Variants in LIMS2 observed in about 807,000 individuals in gnomAD.
LIMS2 encodes the protein LIM and senescent cell antigen-like-containing domain protein 2.
Under a neutral mutation model 45.3 loss-of-function variants are expected in LIMS2, and 30 were observed. The observed-to-expected ratio is 0.66, with a 90% CI of 0.50 to 0.90. The LOEUF (loss-of-function observed/expected upper bound fraction) is 0.90. Ranked by LOEUF, LIMS2 falls within the 40% of genes least tolerant of loss-of-function variation. The pLI, the probability that LIMS2 is intolerant of heterozygous loss-of-function variation, is 0.00. For missense variants in LIMS2, 485 were observed against 468.7 expected (o/e 1.03, Z -0.32); for synonymous variants, 173 against 188.0 (o/e 0.92, Z 0.65).
At chr2:127,657,279 G>A (rs1409944755) in intron 2 of LIMS2, 124 bp downstream of exon 2, 12 of 1,145,688 alleles carry the variant, frequency 1.0e-5, no homozygotes, top group Non-Finnish European at 1.5e-5. Context: ...CTCAAGCCTG[G>A]TTCTGGGCTG....
rs928752566 is a variant in LIMS2, at chr2:127,672,860, AG to A, written c.11+2153del. On this transcript the variant is annotated intron_variant, in intron 1 of 9. Coordinates refer to ENST00000355119, the MANE Select transcript of LIMS2 (RefSeq NM_001161403.3). This position sits in a 1 kb window ranked among gnomAD's most constrained non-coding sequence, Gnocchi z 4.9. Reference sequence around the variant, plus strand: ...AAGCCCTGAAGGTATGCGAGCAGAGAGGGTGTTTCCCAAAAGCAGCCTGGCT... The same window carrying A: ...AAGCCCTGAAGGTATGCGAGCAGAGAGGTGTTTCCCAAAAGCAGCCTGGCT... Among the ~76,000 whole-genome samples, 1 of 152,186 alleles carries A rather than the reference AG, an allele frequency of 6.6e-6. No individual in the cohort carries two copies. The highest frequency in any genetic ancestry group is 2.4e-5 in the African/African-American group (1 of 41,444).
At position 127,640,896 on chromosome 2, in the gene LIMS2, C is replaced by G. The variant is rs1159670075; in HGVS notation, c.753G>C (p.Gln251His). Residue 251 changes from glutamine to histidine, a missense_variant and splice_region_variant, in exon 7 of 10, where the codon CAG becomes CAC. Physicochemically the swap from Gln to His is conservative, Grantham distance 24 (BLOSUM62 0). Transcript: ENST00000355119. ...CCTGAAGGTTCTGCACCGGGCTCAC[C>G]TGGTTGTAGTGAGTCTCGCAGTAGG... ...GLAYCETHYN[Q>H]LFGDVCYNCS... 6.2e-7 allele frequency: 1 copy of G among 1,613,452 alleles called. No homozygotes were observed. Among genetic ancestry groups the G allele is most frequent in the Admixed American group, 1.7e-5 (1 of 60,022 alleles).
At chr2:127,644,500 T>G (rs1174131331) in intron 4 of LIMS2, among the ~76,000 whole-genome samples, 16 of 152,174 alleles carry the variant, frequency 1.1e-4, no homozygotes, top group Admixed American at 1.0e-3. Flanking sequence ...GGGGCTGAGC[T>G]GCCCCACCTG....
At chr2:127,640,811 G>T in intron 7 of LIMS2, 85 bp downstream of exon 7, 1 of 1,233,180 alleles carries the variant, frequency 8.1e-7, no homozygotes, top group South Asian at 1.2e-5. Context: ...CTCCTGAGGG[G>T]GTGCCCACAG....
At chr2:127,677,965 A>G (rs143070661), upstream of LIMS2, among the ~76,000 whole-genome samples, 13 of 152,310 alleles carry the variant, frequency 8.5e-5, 1 homozygote, top group East Asian at 2.5e-3. The surrounding 1 kb of genome is among the most constrained non-coding windows in gnomAD (Gnocchi z 5.0). Flanking sequence ...TGGGTCACAC[A>G]AGTGTATATG....
chr2:127,649,964 T>TA (rs1249723321), intron 4 of LIMS2: 1 of 1,498,854 alleles, frequency 6.7e-7, no homozygotes, highest in Non-Finnish European at 9.2e-7. Flanking sequence ...GCTGGCCTGA[T>TA]ACCCAGGCAC....
At position 127,647,526 on chromosome 2, in the gene LIMS2, G is replaced by T. The variant is rs980915951; in HGVS notation, c.360-4454C>A. Reference sequence around the variant, plus strand: ...AGTCGTACCTATGAGCTGCTCTCTCGTGGGGCCAGGTGATGCCTGCACTGT... The same window carrying T: ...AGTCGTACCTATGAGCTGCTCTCTCTTGGGGCCAGGTGATGCCTGCACTGT... On this transcript the variant is annotated intron_variant, in intron 4 of 9. Coordinates refer to ENST00000355119, the MANE Select transcript of LIMS2 (RefSeq NM_001161403.3). This position sits in a 1 kb window ranked among gnomAD's most constrained non-coding sequence, Gnocchi z 4.3. Among the ~76,000 whole-genome samples the T allele has an allele frequency of 6.6e-6, 1 of 152,124 alleles. No homozygotes were observed. Among genetic ancestry groups the T allele is most frequent in the Non-Finnish European group, 1.5e-5 (1 of 68,012 alleles).
chr2:127,643,492 C>T (rs1682645680), intron 4 of LIMS2: 1 of 457,094 alleles, frequency 2.2e-6, no homozygotes, highest in Non-Finnish European at 4.4e-6. Context: ...GAGGCCCACT[C>T]ACCCCCTTCC....
intron 1 of LIMS2, among the ~76,000 whole-genome samples, chr2:127,659,776 G>A (rs1684491523): frequency 2.0e-5 from 3 of 152,208 alleles, no homozygotes; most frequent in African/African-American, 4.8e-5. Flanking sequence ...CTAGACCCCA[G>A]TGAGTGAGCA....
rs2105286366 is a variant in LIMS2, at chr2:127,653,318, CAGGGGA to C, written c.359+1100_359+1105del. ...GGGTCGGCGCTGCCTCTCACTGATA[CAGGGGA>C]CGCATGCAGAGGCAGCCTTGGTGGT... On this transcript the variant is annotated intron_variant, in intron 4 of 9. Coordinates refer to ENST00000355119, the MANE Select transcript of LIMS2 (RefSeq NM_001161403.3). The surrounding 1 kb of genome is among the most constrained non-coding windows in gnomAD (Gnocchi z 5.3). Among the ~76,000 whole-genome samples the C allele has an allele frequency of 6.6e-6, 1 of 152,190 alleles. No homozygotes were observed. Among genetic ancestry groups the C allele is most frequent in the South Asian group, 2.1e-4 (1 of 4,808 alleles).
At position 127,670,748 on chromosome 2, in the gene LIMS2, G is replaced by A. The variant is rs573238543; in HGVS notation, c.11+4266C>T. Among the ~76,000 whole-genome samples the A allele has an allele frequency of 3.3e-5, 5 of 152,342 alleles. No homozygotes were observed. The South Asian group carries it at 1.0e-3, about 32-fold the overall frequency. On this transcript the variant is annotated intron_variant, in intron 1 of 9. Coordinates refer to ENST00000355119, the MANE Select transcript of LIMS2 (RefSeq NM_001161403.3). ...CAGGGCTGCCTCCCCAAGGCCCTGGGGCACGTGCCCTCAGCCCAGTGGGCA... is the reference window on the plus strand; with the variant it reads ...CAGGGCTGCCTCCCCAAGGCCCTGGAGCACGTGCCCTCAGCCCAGTGGGCA...
chr2:127,650,567 AAGG>A, intron 4 of LIMS2: 2 of 619,238 alleles, frequency 3.2e-6, no homozygotes, highest in Non-Finnish European at 5.7e-6. Flanking sequence ...CCAAATGGAC[AAGG>A]AGGTCCCCTC....
intron 2 of LIMS2, 128 bp downstream of exon 2, chr2:127,657,275 C>G (rs1684319609): frequency 9.2e-7 from 1 of 1,088,932 alleles, no homozygotes; most frequent in Admixed American, 2.1e-5. Context: ...GGAGCTCAAG[C>G]CTGGTTCTGG....
At chr2:127,646,148 G>A (rs916451702) in intron 4 of LIMS2, 1 of 152,420 alleles carries the variant, frequency 6.6e-6, no homozygotes, top group African/African-American at 2.4e-5. Context: ...TCCACCCACA[G>A]CGGCAAGGAG....
intron 4 of LIMS2, chr2:127,643,349 C>T (rs1682626084): frequency 1.9e-6 from 1 of 524,474 alleles, no homozygotes; most frequent in Non-Finnish European, 3.6e-6. Flanking sequence ...TTCTCTAAGC[C>T]TGGGGCATGC....
rs1573851181 is a variant in LIMS2 at position 127,672,376 on chromosome 2, A to C, written c.11+2638T>G. Among the ~76,000 whole-genome samples, 1 of 151,306 alleles carries C rather than the reference A, an allele frequency of 6.6e-6. No homozygotes were observed. Among genetic ancestry groups the C allele is most frequent in the Non-Finnish European group, 1.5e-5 (1 of 67,804 alleles). ...CCACCCCATGCTCTGGGCTGCCTTCACTCCCTGCCCAGCTGGCTACTCCTG... is the reference window on the plus strand; with the variant it reads ...CCACCCCATGCTCTGGGCTGCCTTCCCTCCCTGCCCAGCTGGCTACTCCTG... On this transcript the variant is annotated intron_variant, in intron 1 of 9. Transcript: ENST00000355119. This position sits in a 1 kb window ranked among gnomAD's most constrained non-coding sequence, Gnocchi z 4.9.
intron 1 of LIMS2, among the ~76,000 whole-genome samples, chr2:127,658,586 G>A (rs1684415590): frequency 6.6e-6 from 1 of 152,126 alleles, no homozygotes; most frequent in African/African-American, 2.4e-5. Context: ...CAGCCCCAGG[G>A]CCCTTCGGCA....
At chr2:127,673,721 C>T (rs963449283) in intron 1 of LIMS2, 38 of 1,551,422 alleles carry the variant, frequency 2.4e-5, no homozygotes, top group Non-Finnish European at 3.0e-5. Flanking sequence ...GACCCTGTTC[C>T]TGTCTCTCCC....
chr2:127,664,320 C>T lies in LIMS2; in HGVS notation c.12-6758G>A, dbSNP rs1327799505. The stretch of plus-strand genomic sequence containing the variant: ...TGGCCACCTACCCCGTGGCTGGCGG[C>T]GGGCTCTGCCGGTGCTGGCGCCGCC... On this transcript the variant is annotated intron_variant, in intron 1 of 9. Transcript: ENST00000355119. This position sits in a 1 kb window ranked among gnomAD's most constrained non-coding sequence, Gnocchi z 5.5. 2.4e-5 allele frequency: 30 copies of T among 1,231,426 alleles called. No homozygotes were observed. Among genetic ancestry groups the T allele is most frequent in the Non-Finnish European group, 2.8e-5 (28 of 988,124 alleles). The allele number at this position is 1,231,426 out of a possible 1,614,324, so 76.3% of individuals were successfully genotyped here.
Sources: allele counts gnomAD v4.1 joint callset (sites outside exome capture counted in the v4.1 genomes callset), GRCh38; gene constraint gnomAD v4.1.1; non-coding constraint Gnocchi (gnomAD v3.1); transcripts MANE v1.5; gene names NCBI Gene and HGNC (gene_info 2026-07-23, HGNC 2026-07-21).